RBFOX3: variants seen among roughly 807,000 people sequenced by gnomAD.
RBFOX3 encodes the protein RNA binding protein fox-1 homolog 3.
A neutral mutation model predicts 48.7 loss-of-function variants in RBFOX3; 17 were observed. The ratio of observed to expected loss-of-function variants is 0.35; its 90% CI spans 0.24 to 0.52. The LOEUF (loss-of-function observed/expected upper bound fraction) is 0.52. Among genes scored for constraint, RBFOX3 ranks in the 20% least tolerant of loss-of-function variants. The probability of loss-of-function intolerance (pLI) is 0.94; values close to 1 mark genes in which losing one functional copy is unlikely to be tolerated. For synonymous variants in RBFOX3, 212 were observed against 209.5 expected, an observed-to-expected ratio of 1.01 and a Z score of -0.10; for missense variants, 382 against 497.5, an observed-to-expected ratio of 0.77 and a Z score of 2.21.
chr17:79,484,861 A>G (rs2079329316), intron 1 of RBFOX3, among the ~76,000 whole-genome samples: 1 of 152,164 alleles, frequency 6.6e-6, no homozygotes, highest in Admixed American at 6.5e-5. Flanking sequence ...CCACAGCCCC[A>G]GCTTCCAGCT....
At chr17:79,607,483 C>A (rs1007128878) in intron 1 of RBFOX3, among the ~76,000 whole-genome samples, 1 of 152,144 alleles carries the variant, frequency 6.6e-6, no homozygotes, top group African/African-American at 2.4e-5. Context: ...TGGCTCTGGC[C>A]CACTGACATG....
intron 4 of RBFOX3, among the ~76,000 whole-genome samples, chr17:79,162,500 A>C (rs2145375907): frequency 6.6e-6 from 1 of 152,358 alleles, no homozygotes; most frequent in African/African-American, 2.4e-5. Context: ...AGCCATCCTA[A>C]TAGGCAGGCA....
At chr17:79,246,472 T>C (rs7216240) in intron 3 of RBFOX3, among the ~76,000 whole-genome samples, 19,516 of 152,294 alleles carry the variant, frequency 0.13, 1,347 homozygotes, top group East Asian at 0.16. Context: ...GCGGAGTCCC[T>C]GTCTGAGCTG....
At chr17:79,609,344 A>C (rs2093916116) in intron 1 of RBFOX3, among the ~76,000 whole-genome samples, 1 of 152,022 alleles carries the variant, frequency 6.6e-6, no homozygotes, top group Non-Finnish European at 1.5e-5. Flanking sequence ...CCCCGAGTCC[A>C]ACCTGCGTTT....
At position 79,217,787 on chromosome 17, in the gene RBFOX3, G is replaced by GT. The variant is rs571815076; in HGVS notation, c.-34+17978dup. On this transcript the variant is annotated intron_variant, in intron 4 of 14. Coordinates refer to ENST00000693108, the MANE Select transcript of RBFOX3 (RefSeq NM_001350451.2). ...ATGGGGGTGGGGTGGGAGGCAGGGT[G>GT]TTTTTTTAGGTGGAACAAGCCCAAA... Among the ~76,000 whole-genome samples the GT allele has an allele frequency of 1.1e-3, 171 of 152,172 alleles. 2 individuals carry two copies. In the South Asian group the frequency reaches 0.033, roughly 30 times the overall value.
chr17:79,390,983 C>T lies in RBFOX3; in HGVS notation c.-174-83159G>A, dbSNP rs1395363833. Among the ~76,000 whole-genome samples the T allele has an allele frequency of 1.3e-5, 2 of 152,202 alleles. No individual in the cohort carries two copies. The highest frequency in any genetic ancestry group is 2.9e-5 in the Non-Finnish European group (2 of 68,048). ...TTCTCTCTTCCCGCTTTCTTCTCCA[C>T]AGCCCCCTGATTCCCACAGATCCTT... On this transcript the variant is annotated intron_variant, in intron 2 of 14. Coordinates refer to ENST00000693108, the MANE Select transcript of RBFOX3 (RefSeq NM_001350451.2). This position sits in a 1 kb window ranked among gnomAD's most constrained non-coding sequence, Gnocchi z 4.2.
chr17:79,164,331 A>T (rs1213805045), intron 4 of RBFOX3, among the ~76,000 whole-genome samples: 1 of 152,210 alleles, frequency 6.6e-6, no homozygotes, highest in East Asian at 1.9e-4. Context: ...TCCTGTGGGC[A>T]GCACCGTGCT....
At chr17:79,415,097 T>A (rs902902212) in intron 2 of RBFOX3, among the ~76,000 whole-genome samples, 1 of 152,118 alleles carries the variant, frequency 6.6e-6, no homozygotes, top group Non-Finnish European at 1.5e-5. Context: ...ATCACGGGGT[T>A]CTGAGTCTGG....
chr17:79,144,851 T>C (rs2042699094), intron 4 of RBFOX3, among the ~76,000 whole-genome samples: 1 of 152,098 alleles, frequency 6.6e-6, no homozygotes, highest in African/African-American at 2.4e-5. Context: ...GCAAACGCCC[T>C]CCCTTCACAG....
At chr17:79,414,473 G>A (rs1017923729) in intron 2 of RBFOX3, among the ~76,000 whole-genome samples, 2 of 152,164 alleles carry the variant, frequency 1.3e-5, no homozygotes, top group Admixed American at 6.5e-5. Flanking sequence ...ATGCAAATGC[G>A]GCGGGACGGT....
intron 1 of RBFOX3, among the ~76,000 whole-genome samples, chr17:79,580,442 A>G (rs1301107705): frequency 6.6e-6 from 1 of 152,018 alleles, no homozygotes. Context: ...CAACCCCATT[A>G]GACCAAGACA....
intron 4 of RBFOX3, among the ~76,000 whole-genome samples, chr17:79,131,658 T>A (rs2038943981): frequency 6.6e-6 from 1 of 152,264 alleles, no homozygotes; most frequent in Admixed American, 6.5e-5. Flanking sequence ...ATTGGTTTCC[T>A]TCATAATAAT....
intron 2 of RBFOX3, among the ~76,000 whole-genome samples, chr17:79,327,273 G>T (rs2079478754): frequency 6.6e-6 from 1 of 152,170 alleles, no homozygotes; most frequent in Admixed American, 6.5e-5. Flanking sequence ...ACCCTTGAGG[G>T]TCTCCTTGGT....
intron 2 of RBFOX3, among the ~76,000 whole-genome samples, chr17:79,428,275 G>T (rs539100958): frequency 3.9e-5 from 6 of 152,200 alleles, no homozygotes; most frequent in Non-Finnish European, 7.3e-5. Flanking sequence ...CCTGCAGTGA[G>T]GGGAGGTGAG....
At chr17:79,116,687 G>GT (rs926757332) in intron 4 of RBFOX3, among the ~76,000 whole-genome samples, 6 of 152,228 alleles carry the variant, frequency 3.9e-5, no homozygotes, top group African/African-American at 1.4e-4. Flanking sequence ...GGCAGGGAGG[G>GT]TTCCAGCCTC....
chr17:79,257,731 G>C (rs1163187053), intron 3 of RBFOX3, among the ~76,000 whole-genome samples: 1 of 151,866 alleles, frequency 6.6e-6, no homozygotes, highest in Non-Finnish European at 1.5e-5. Context: ...CAGGCACATG[G>C]CACCACACCT....
intron 2 of RBFOX3, among the ~76,000 whole-genome samples, chr17:79,356,367 T>TTTTTTTGTTTTTG (rs1568101075): frequency 9.1e-5 from 7 of 77,052 alleles, no homozygotes; most frequent in Admixed American, 3.9e-4. Flanking sequence ...TTTTTTTTTT[T>TTTTTTTGTTTTTG]TTTTTTTTTT....
Position 79,301,124 on chromosome 17 carries a change from G to A in RBFOX3, c.-74+6600C>T, listed in dbSNP as rs143637365. On this transcript the variant is annotated intron_variant, in intron 3 of 14. Coordinates refer to ENST00000693108, the MANE Select transcript of RBFOX3 (RefSeq NM_001350451.2). ...GCCCCAGGGAGAAGCCTCTGGCTAG[G>A]AGATGCTCCCCTGCTGGGATGGGCC... 4.4e-3 allele frequency among the ~76,000 whole-genome samples: 677 copies of A among 152,356 alleles called. 7 individuals are homozygous for A. Among genetic ancestry groups the A allele is most frequent in the African/African-American group, 0.015 (631 of 41,578 alleles).
intron 2 of RBFOX3, among the ~76,000 whole-genome samples, chr17:79,365,880 C>G (rs2057672988): frequency 6.6e-6 from 1 of 152,230 alleles, no homozygotes; most frequent in Non-Finnish European, 1.5e-5. Flanking sequence ...GCGGCCACAC[C>G]TCTGGGTGCC....
Sources: gnomAD v4.1 joint callset for allele counts (sites outside exome capture counted in the v4.1 genomes callset) on GRCh38, gnomAD v4.1.1 for gene constraint, Gnocchi (gnomAD v3.1) non-coding constraint, MANE v1.5 for transcripts, NCBI Gene and HGNC (gene_info 2026-07-23, HGNC 2026-07-21) for gene names.